RAPGEF4: variants seen among roughly 807,000 people sequenced by gnomAD.
RAPGEF4 encodes the protein RAP guanine-nucleotide-exchange factor (GEF) 4.
Under a neutral mutation model 147.9 loss-of-function variants are expected in RAPGEF4, and 66 were observed. That is an observed-to-expected ratio of 0.45 (90% CI 0.37 to 0.55). The LOEUF is 0.55. Ranked by LOEUF, RAPGEF4 falls within the 20% of genes least tolerant of loss-of-function variation. The pLI, the probability that RAPGEF4 is intolerant of heterozygous loss-of-function variation, is 0.00. For synonymous variants in RAPGEF4, 419 were observed against 442.7 expected, an observed-to-expected ratio of 0.95 and a Z score of 0.67; for missense variants, 1,071 against 1,257.3, an observed-to-expected ratio of 0.85 and a Z score of 2.24.
At chr2:173,018,407 G>A (rs913418084) in intron 21 of RAPGEF4, among the ~76,000 whole-genome samples, 3 of 152,218 alleles carry the variant, frequency 2.0e-5, no homozygotes, top group African/African-American at 7.2e-5. Flanking sequence ...ACCTCTTTGT[G>A]GGGTTTTCAC....
chr2:172,769,039 G>A (rs1697113666), intron 1 of RAPGEF4, among the ~76,000 whole-genome samples: 1 of 152,210 alleles, frequency 6.6e-6, no homozygotes, highest in Non-Finnish European at 1.5e-5. Context: ...CCTTATGTGT[G>A]AATGTGGAGC....
At chr2:172,849,148 C>T (rs1692546607) in intron 4 of RAPGEF4, among the ~76,000 whole-genome samples, 1 of 151,178 alleles carries the variant, frequency 6.6e-6, no homozygotes, top group Non-Finnish European at 1.5e-5. Context: ...CAACTTGATT[C>T]AGTCAGTCTC....
intron 10 of RAPGEF4, among the ~76,000 whole-genome samples, chr2:172,975,708 T>C (rs1055548528): frequency 9.2e-5 from 14 of 152,212 alleles, no homozygotes; most frequent in African/African-American, 3.4e-4. Context: ...TAACAATGCA[T>C]TCATGTAGCA....
intron 4 of RAPGEF4, among the ~76,000 whole-genome samples, chr2:172,884,792 T>C (rs890320708): frequency 6.6e-6 from 1 of 152,242 alleles, no homozygotes; most frequent in African/African-American, 2.4e-5. Flanking sequence ...AAAATACATA[T>C]GCAACATACT....
At chr2:172,833,261 T>G (rs67952254) in intron 4 of RAPGEF4, among the ~76,000 whole-genome samples, 422 of 10,150 alleles carry the variant, frequency 0.042, no homozygotes, top group Non-Finnish European at 0.082. Flanking sequence ...GAGGTTTGGG[T>G]TTTTTTTTTT....
At chr2:172,903,343 TG>T (rs1416913133) in intron 4 of RAPGEF4, among the ~76,000 whole-genome samples, 3 of 114,236 alleles carry the variant, frequency 2.6e-5, no homozygotes, top group Non-Finnish European at 5.0e-5. Flanking sequence ...CACTCCAGAC[TG>T]GGGGACAGAG....
chr2:172,772,304 G>GT (rs1470526018), intron 1 of RAPGEF4, among the ~76,000 whole-genome samples: 4 of 151,354 alleles, frequency 2.6e-5, no homozygotes, highest in African/African-American at 7.3e-5. Context: ...GTTATTTTAT[G>GT]TTTTTTATAT....
intron 1 of RAPGEF4, among the ~76,000 whole-genome samples, chr2:172,760,768 T>G (rs529938115): frequency 6.9e-6 from 1 of 144,636 alleles, no homozygotes; most frequent in Non-Finnish European, 1.5e-5. Context: ...ATGGAGAAGA[T>G]AGAGGAAAGA....
At chr2:172,741,981 C>G (rs902512273) in intron 1 of RAPGEF4, among the ~76,000 whole-genome samples, 1 of 152,200 alleles carries the variant, frequency 6.6e-6, no homozygotes, top group Non-Finnish European at 1.5e-5. Context: ...CCAGTATGAT[C>G]TGTGCCACCC....
chr2:172,842,533 C>T (rs375462001), intron 4 of RAPGEF4, among the ~76,000 whole-genome samples: 1 of 152,318 alleles, frequency 6.6e-6, no homozygotes, highest in African/African-American at 2.4e-5. Context: ...GGGCAACACA[C>T]AGGAGGCTGG....
At chr2:172,886,257 C>T (rs760809442) in intron 4 of RAPGEF4, among the ~76,000 whole-genome samples, 2 of 152,210 alleles carry the variant, frequency 1.3e-5, no homozygotes, top group Non-Finnish European at 2.9e-5. Flanking sequence ...TTTATTAGAA[C>T]ACAGGCACAT....
chr2:172,909,698 G>A (rs1283915367), intron 4 of RAPGEF4, among the ~76,000 whole-genome samples: 2 of 152,154 alleles, frequency 1.3e-5, no homozygotes, highest in African/African-American at 4.8e-5. Context: ...ATATGTGCGG[G>A]CCTTATTGAG....
At chr2:173,024,620 C>T (rs1288560295) in intron 23 of RAPGEF4, among the ~76,000 whole-genome samples, 1 of 152,204 alleles carries the variant, frequency 6.6e-6, no homozygotes, top group Non-Finnish European at 1.5e-5. Context: ...ATCCAGTTCT[C>T]TTAACAAGCC....
intron 4 of RAPGEF4, among the ~76,000 whole-genome samples, chr2:172,914,860 T>C (rs1683885199): frequency 6.6e-6 from 1 of 152,176 alleles, no homozygotes; most frequent in Non-Finnish European, 1.5e-5. Context: ...TTATGTGCCT[T>C]TCTGTTATGA....
chr2:172,769,004 G>A (rs1028847515), intron 1 of RAPGEF4, among the ~76,000 whole-genome samples: 1 of 152,208 alleles, frequency 6.6e-6, no homozygotes, highest in Non-Finnish European at 1.5e-5. Flanking sequence ...TGTGGGGCAA[G>A]GACGTGGGAT....
intron 5 of RAPGEF4, among the ~76,000 whole-genome samples, chr2:172,919,652 C>A (rs1684505753): frequency 6.6e-6 from 1 of 152,200 alleles, no homozygotes; most frequent in African/African-American, 2.4e-5. Context: ...CAAACCAACA[C>A]CTCTGTTTGA....
At chr2:172,857,946 G>T in intron 4 of RAPGEF4, among the ~76,000 whole-genome samples, 1 of 135,822 alleles carries the variant, frequency 7.4e-6, no homozygotes, top group Admixed American at 7.6e-5. Context: ...AAAGGAAACT[G>T]GTGAAGTTTA....
intron 4 of RAPGEF4, among the ~76,000 whole-genome samples, chr2:172,897,446 C>T (rs1482411019): frequency 2.0e-5 from 3 of 151,910 alleles, no homozygotes; most frequent in African/African-American, 7.3e-5. Flanking sequence ...TCACCCGGAC[C>T]AGAGTGCAGT....
At chr2:172,810,080 C>T (rs1463815829) in intron 3 of RAPGEF4, among the ~76,000 whole-genome samples, 1 of 152,124 alleles carries the variant, frequency 6.6e-6, no homozygotes, top group Non-Finnish European at 1.5e-5. Context: ...ACAGATTTTC[C>T]AACTGAACCT....
Sources: gnomAD v4.1 joint callset for allele counts (sites outside exome capture counted in the v4.1 genomes callset) on GRCh38, gnomAD v4.1.1 for gene constraint, MANE v1.5 for transcripts, NCBI Gene and HGNC (gene_info 2026-07-23, HGNC 2026-07-21) for gene names.